The following NAALADL2 variants were observed in gnomAD, a reference collection of about 807,000 sequenced individuals.
NAALADL2 encodes N-acetylated alpha-linked acidic dipeptidase like 2.
NAALADL2 carries 76 observed loss-of-function variants against 87.2 expected under a neutral mutation model. That is an observed-to-expected ratio of 0.87 (90% CI 0.72 to 1.05). NAALADL2 has a LOEUF of 1.05. Ranked by LOEUF, NAALADL2 falls within the 50% of genes least tolerant of loss-of-function variation. The pLI is 0.00. For missense variants in NAALADL2, 1,089 were observed against 945.8 expected (o/e 1.15, Z -1.99); for synonymous variants, 354 against 331.0 (o/e 1.07, Z -0.75).
intron 4 of NAALADL2, among the ~76,000 whole-genome samples, chr3:175,306,733 C>T (rs939809190): frequency 1.3e-5 from 2 of 152,128 alleles, no homozygotes; most frequent in Non-Finnish European, 2.9e-5. Flanking sequence ...GTAGTCCTAG[C>T]TACTAGGGAG....
intron 2 of NAALADL2, among the ~76,000 whole-genome samples, chr3:175,223,700 TATC>T (rs956749119): frequency 3.3e-5 from 5 of 152,202 alleles, no homozygotes; most frequent in African/African-American, 1.2e-4. Flanking sequence ...TACATTAAAA[TATC>T]ATGAACTGTT....
chr3:175,211,999 TG>T (rs1412037711), intron 2 of NAALADL2, among the ~76,000 whole-genome samples: 3 of 152,086 alleles, frequency 2.0e-5, no homozygotes, highest in African/African-American at 7.2e-5. Flanking sequence ...CGTATTTTTT[TG>T]TCAGGATAGT....
chr3:175,767,964 C>T (rs1029568358), intron 13 of NAALADL2, among the ~76,000 whole-genome samples: 1 of 152,144 alleles, frequency 6.6e-6, no homozygotes, highest in African/African-American at 2.4e-5. Flanking sequence ...TCTTTTACTG[C>T]ACTTCGAAAA....
intron 3 of NAALADL2, among the ~76,000 whole-genome samples, chr3:174,761,013 C>T (rs9862405): frequency 0.49 from 74,039 of 151,708 alleles, 18,761 homozygotes; most frequent in African/African-American, 0.64. Flanking sequence ...GGATTATTCA[C>T]AGGCCCATTA....
intron 11 of NAALADL2, among the ~76,000 whole-genome samples, chr3:175,703,551 T>C (rs975125715): frequency 7.9e-5 from 12 of 152,270 alleles, no homozygotes; most frequent in African/African-American, 2.6e-4. Context: ...GAGACCAGCC[T>C]GACCAACATG....
chr3:175,035,653 G>C (rs567413134), intron 1 of NAALADL2, among the ~76,000 whole-genome samples: 3 of 152,254 alleles, frequency 2.0e-5, no homozygotes, highest in Non-Finnish European at 4.4e-5. Flanking sequence ...AACTGGAAAA[G>C]ACTGGTTAAA....
At chr3:175,131,343 TG>T (rs900003400) in intron 2 of NAALADL2, among the ~76,000 whole-genome samples, 2 of 151,784 alleles carry the variant, frequency 1.3e-5, no homozygotes, top group African/African-American at 4.8e-5. Context: ...GATTAGGGAG[TG>T]GTGATGACTC....
At chr3:174,990,572 G>A (rs1746591509) in intron 1 of NAALADL2, among the ~76,000 whole-genome samples, 1 of 152,036 alleles carries the variant, frequency 6.6e-6, no homozygotes, top group South Asian at 2.1e-4. Context: ...TTTAAAAGTT[G>A]TATATATGGA....
upstream of NAALADL2, among the ~76,000 whole-genome samples, chr3:174,858,418 T>C (rs1579233435): frequency 6.6e-6 from 1 of 152,152 alleles, no homozygotes; most frequent in South Asian, 2.1e-4. Context: ...GTTGCTCTTG[T>C]TTGCTGGGAA....
chr3:174,450,187 C>T (rs554728780), intron 1 of NAALADL2, among the ~76,000 whole-genome samples: 13 of 152,220 alleles, frequency 8.5e-5, no homozygotes, highest in Admixed American at 5.2e-4. Context: ...AAACACCAAG[C>T]GTTTGGTCTA....
intron 3 of NAALADL2, among the ~76,000 whole-genome samples, chr3:174,778,476 T>G (rs1020910602): frequency 5.9e-5 from 9 of 152,060 alleles, no homozygotes; most frequent in Non-Finnish European, 1.3e-4. Context: ...AGGATGTTAT[T>G]TATTTATTTA....
Position 175,094,800 on chromosome 3 carries a change from C to T in NAALADL2, c.44-1990C>T, listed in dbSNP as rs780826144. On this transcript the variant is annotated intron_variant, in intron 1 of 13. Transcript: ENST00000454872. ...TGTGTGTGTGTGTGTGAATATTATA[C>T]ATCCTCCTCTCCATCTCCACAATGT... Among the ~76,000 whole-genome samples, 63 of 133,644 alleles carry T rather than the reference C, an allele frequency of 4.7e-4. 1 individual carries two copies. Among genetic ancestry groups the T allele is most frequent in the Middle Eastern group, 7.8e-3 (2 of 256 alleles). 87.7% of individuals were successfully genotyped at this position (133,644 alleles called of 152,430 possible). A position where few individuals can be genotyped will look rare whatever the true frequency, so the allele number is the denominator to read the frequency against.
chr3:175,557,506 CT>C (rs777391151), intron 9 of NAALADL2, among the ~76,000 whole-genome samples: 13 of 23,520 alleles, frequency 5.5e-4, no homozygotes, highest in Non-Finnish European at 1.3e-3. Flanking sequence ...TTCTTTCTAA[CT>C]ATTTTTTTTG....
chr3:174,673,407 A>C (rs1726751659), intron 2 of NAALADL2, among the ~76,000 whole-genome samples: 1 of 152,110 alleles, frequency 6.6e-6, no homozygotes, highest in African/African-American at 2.4e-5. Context: ...ATGGGCCTTG[A>C]AGTAATAATA....
intron 7 of NAALADL2, among the ~76,000 whole-genome samples, chr3:175,465,381 T>A (rs1173913684): frequency 6.6e-6 from 1 of 152,058 alleles, no homozygotes; most frequent in Non-Finnish European, 1.5e-5. Flanking sequence ...CAAGCAAAAC[T>A]TTTGAGACAT....
intron 1 of NAALADL2, among the ~76,000 whole-genome samples, chr3:174,874,944 A>G (rs566306359): frequency 4.0e-5 from 6 of 151,568 alleles, no homozygotes; most frequent in Admixed American, 6.6e-5. Context: ...GTGAGACCCT[A>G]TCTTTACAAA....
At chr3:174,577,060 A>T (rs1299514140) in intron 2 of NAALADL2, among the ~76,000 whole-genome samples, 1 of 152,146 alleles carries the variant, frequency 6.6e-6, no homozygotes, top group Non-Finnish European at 1.5e-5. Context: ...GAGCTTCAGG[A>T]TAAATGCTTA....
chr3:175,684,154 TAAA>T (rs566709588), intron 11 of NAALADL2, among the ~76,000 whole-genome samples: 4 of 143,356 alleles, frequency 2.8e-5, no homozygotes, highest in Non-Finnish European at 6.2e-5. Flanking sequence ...GCAATCACTT[TAAA>T]AAAAAAAAAG....
intron 2 of NAALADL2, among the ~76,000 whole-genome samples, chr3:175,193,325 T>A (rs1264211750): frequency 6.6e-6 from 1 of 151,864 alleles, no homozygotes; most frequent in African/African-American, 2.4e-5. Flanking sequence ...ATGATAGATA[T>A]GAAAGTATTA....
Sources: gnomAD v4.1 joint callset for allele counts (sites outside exome capture counted in the v4.1 genomes callset) on GRCh38, gnomAD v4.1.1 for gene constraint, MANE v1.5 for transcripts, NCBI Gene and HGNC (gene_info 2026-07-23, HGNC 2026-07-21) for gene names.